Variants in RNF130 observed in about 807,000 individuals in gnomAD.
RNF130 encodes the protein ring finger protein 130.
RNF130 carries 21 observed loss-of-function variants against 44.6 expected under a neutral mutation model. The ratio of observed to expected loss-of-function variants is 0.47; its 90% CI spans 0.33 to 0.68. The LOEUF is 0.68. Among genes scored for constraint, RNF130 ranks in the 30% least tolerant of loss-of-function variants. The pLI is 0.02. For synonymous variants in RNF130, 214 were observed against 210.4 expected (o/e 1.02, Z -0.15); for missense variants, 479 against 560.6 (o/e 0.85, Z 1.47).
intron 1 of RNF130, among the ~76,000 whole-genome samples, chr5:180,064,151 T>C (rs1361776350): frequency 6.6e-6 from 1 of 152,238 alleles, no homozygotes; most frequent in African/African-American, 2.4e-5. Context: ...ATAAAATCAA[T>C]TTAACAGTAG....
At chr5:180,052,056 C>T (rs1430586003) in intron 1 of RNF130, among the ~76,000 whole-genome samples, 1 of 152,134 alleles carries the variant, frequency 6.6e-6, no homozygotes, top group Non-Finnish European at 1.5e-5. Flanking sequence ...GTTCTCTTGG[C>T]TCCTATCCAT....
chr5:179,945,649 T>C (rs1762026131), intron 7 of RNF130, among the ~76,000 whole-genome samples: 1 of 152,062 alleles, frequency 6.6e-6, no homozygotes, highest in South Asian at 2.1e-4. Flanking sequence ...ACTGAGAGGA[T>C]GCTGGCTTGT....
intron 7 of RNF130, among the ~76,000 whole-genome samples, chr5:179,925,647 G>C (rs532088973): frequency 6.6e-6 from 1 of 152,250 alleles, no homozygotes; most frequent in South Asian, 2.1e-4. Flanking sequence ...TCTTGCCTCA[G>C]CCTTCCCAGA....
intron 3 of RNF130, among the ~76,000 whole-genome samples, chr5:179,998,550 C>A (rs1306830545): frequency 2.0e-5 from 3 of 152,070 alleles, no homozygotes. Context: ...CTTTCTGCCT[C>A]ACCTTCCCAA....
intron 7 of RNF130, among the ~76,000 whole-genome samples, chr5:179,948,363 A>G (rs548515554): frequency 2.8e-4 from 43 of 152,146 alleles, no homozygotes; most frequent in African/African-American, 1.0e-3. Context: ...CCGGGACTCT[A>G]TTCTTTGTTC....
At chr5:179,987,530 G>C (rs772513583) in intron 3 of RNF130, among the ~76,000 whole-genome samples, 2 of 152,208 alleles carry the variant, frequency 1.3e-5, no homozygotes, top group Admixed American at 6.5e-5. Flanking sequence ...TGGAACAGAG[G>C]GGGTGGTAGG....
At chr5:180,062,913 C>T (rs1354530208) in intron 1 of RNF130, among the ~76,000 whole-genome samples, 1 of 152,156 alleles carries the variant, frequency 6.6e-6, no homozygotes, top group African/African-American at 2.4e-5. Flanking sequence ...ACTAATATAG[C>T]AAACACTGTG....
At chr5:179,976,145 C>A (rs1422743175) in intron 5 of RNF130, among the ~76,000 whole-genome samples, 1 of 152,030 alleles carries the variant, frequency 6.6e-6, no homozygotes, top group Non-Finnish European at 1.5e-5. Flanking sequence ...CATAGTGAGA[C>A]CCCAACTCTA....
At chr5:179,953,918 A>C (rs1331668384), downstream of RNF130, among the ~76,000 whole-genome samples, 2 of 152,224 alleles carry the variant, frequency 1.3e-5, no homozygotes, top group Admixed American at 1.3e-4. Flanking sequence ...AAAACAGTCC[A>C]ATTTAAAAAT....
At chr5:179,990,906 A>G (rs180899367) in intron 3 of RNF130, among the ~76,000 whole-genome samples, 1 of 152,220 alleles carries the variant, frequency 6.6e-6, no homozygotes, top group Non-Finnish European at 1.5e-5. Flanking sequence ...AATGATATTC[A>G]TATATAATCA....
rs186413824 is a variant in RNF130, at chr5:180,053,997, A to G, written c.248-13350T>C. ...ACACCCAGCTAATTTTTATATTTTT[A>G]GCAGAGATGGGGTTTCACTATGTTG... On this transcript the variant is annotated intron_variant, in intron 1 of 8. Transcript: ENST00000521389. 2.3e-3 allele frequency among the ~76,000 whole-genome samples: 350 copies of G among 152,004 alleles called. 3 individuals are homozygous for G. The highest frequency in any genetic ancestry group is 8.2e-3 in the African/African-American group (339 of 41,440).
chr5:180,034,542 CTAT>C (rs1054380362), intron 2 of RNF130, among the ~76,000 whole-genome samples: 2 of 152,152 alleles, frequency 1.3e-5, no homozygotes, highest in African/African-American at 4.8e-5. Flanking sequence ...CTCAGATATG[CTAT>C]TTTTTCTTGA....
chr5:179,948,204 C>G (rs573454772), intron 7 of RNF130, among the ~76,000 whole-genome samples: 24 of 152,282 alleles, frequency 1.6e-4, no homozygotes, highest in Admixed American at 7.8e-4. Context: ...TTCTCTCATT[C>G]AGATATTGCG....
In RNF130 at chr5:179,966,805, C is replaced by T. The variant is rs1299884703; in HGVS notation, c.1150+1G>A. On this transcript the variant is annotated splice_donor_variant, in intron 7 of 8. Transcript: ENST00000521389. LOFTEE classifies it high-confidence loss of function. ...GTGCCTGAGCGGAGGCCCCCACTTA[C>T]TTGTTACTGCAATGTTGATTTCTCC... is the stretch of plus-strand genomic sequence containing the variant. 1.2e-6 allele frequency: 2 copies of T among 1,612,994 alleles called. No individual in the cohort carries two copies. Among genetic ancestry groups the T allele is most frequent in the African/African-American group, 2.7e-5 (2 of 75,030 alleles).
At chr5:179,958,432 T>C (rs1023793253) in intron 8 of RNF130, among the ~76,000 whole-genome samples, 2 of 152,184 alleles carry the variant, frequency 1.3e-5, no homozygotes, top group African/African-American at 4.8e-5. Context: ...ACACTGCTTT[T>C]GATATTTAAG....
At chr5:180,033,625 G>T (rs1268714733) in intron 2 of RNF130, among the ~76,000 whole-genome samples, 4 of 151,842 alleles carry the variant, frequency 2.6e-5, no homozygotes, top group Non-Finnish European at 4.4e-5. Flanking sequence ...GAACCCAGGA[G>T]GCAGAGATTG....
At chr5:180,035,546 T>C (rs977023459) in intron 2 of RNF130, among the ~76,000 whole-genome samples, 1 of 152,228 alleles carries the variant, frequency 6.6e-6, no homozygotes, top group Non-Finnish European at 1.5e-5. Context: ...AAGGTTTCTA[T>C]ATGCTTGCTA....
chr5:179,983,446 G>A (rs963815645), intron 3 of RNF130, among the ~76,000 whole-genome samples: 1 of 148,112 alleles, frequency 6.8e-6, no homozygotes, highest in Non-Finnish European at 1.5e-5. Context: ...AAAACCAGTT[G>A]TCCATAAATA....
chr5:180,042,649 G>A (rs1413889905), intron 1 of RNF130, among the ~76,000 whole-genome samples: 3 of 152,160 alleles, frequency 2.0e-5, no homozygotes, highest in Admixed American at 2.0e-4. Context: ...ATCCAAACGG[G>A]GAATAACCAA....
Sources: gnomAD v4.1 joint callset for allele counts (sites outside exome capture counted in the v4.1 genomes callset) on GRCh38, gnomAD v4.1.1 for gene constraint, MANE v1.5 for transcripts, NCBI Gene and HGNC (gene_info 2026-07-23, HGNC 2026-07-21) for gene names.